Variants in KIAA0825 observed in about 807,000 individuals in gnomAD.
KIAA0825 encodes the protein uncharacterized protein KIAA0825.
A neutral mutation model predicts 147.6 loss-of-function variants in KIAA0825; 119 were observed. The ratio of observed to expected loss-of-function variants is 0.81; its 90% CI spans 0.69 to 0.94. The LOEUF is 0.94. KIAA0825 is among the 40% of genes least tolerant of loss of function. The pLI is 0.00. For missense variants in KIAA0825, 1,381 were observed against 1,472.7 expected (o/e 0.94, Z 1.02); for synonymous variants, 470 against 518.1 (o/e 0.91, Z 1.26).
At chr5:94,511,839 A>G (rs1170124646) in intron 5 of KIAA0825, among the ~76,000 whole-genome samples, 1 of 151,676 alleles carries the variant, frequency 6.6e-6, no homozygotes, top group African/African-American at 2.4e-5. Flanking sequence ...ACTACAAAAA[A>G]TTAGCTGGGC....
At chr5:94,553,284 C>CA (rs1231546405) in intron 2 of KIAA0825, among the ~76,000 whole-genome samples, 2 of 151,258 alleles carry the variant, frequency 1.3e-5, no homozygotes, top group Admixed American at 6.6e-5. Context: ...ACTAAAAATA[C>CA]AAAAAATTAG....
chr5:94,429,849 A>G (rs1755426124), intron 14 of KIAA0825, among the ~76,000 whole-genome samples: 1 of 152,222 alleles, frequency 6.6e-6, no homozygotes, highest in Non-Finnish European at 1.5e-5. Context: ...CTACACAGGT[A>G]TGGGGATGGC....
At chr5:94,428,142 G>GC (rs1562487279) in intron 14 of KIAA0825, among the ~76,000 whole-genome samples, 1 of 111,976 alleles carries the variant, frequency 8.9e-6, no homozygotes, top group Non-Finnish European at 1.9e-5. Flanking sequence ...ATAAGGTCTT[G>GC]TTGTGTGTGT....
intron 20 of KIAA0825, among the ~76,000 whole-genome samples, chr5:94,248,107 G>A (rs1775722031): frequency 6.6e-6 from 1 of 152,092 alleles, no homozygotes; most frequent in Non-Finnish European, 1.5e-5. Context: ...GAATGTGCAA[G>A]TAGAATAATC....
At chr5:94,167,416 C>G (rs866785572) in intron 20 of KIAA0825, among the ~76,000 whole-genome samples, 1 of 152,098 alleles carries the variant, frequency 6.6e-6, no homozygotes, top group Non-Finnish European at 1.5e-5. Context: ...TACTGAATCT[C>G]TAAAGTAGTT....
At chr5:94,227,048 T>G (rs963001076) in intron 20 of KIAA0825, among the ~76,000 whole-genome samples, 2 of 151,908 alleles carry the variant, frequency 1.3e-5, no homozygotes, top group Non-Finnish European at 2.9e-5. Context: ...CATTACTGGG[T>G]ATATACCCAA....
intron 20 of KIAA0825, among the ~76,000 whole-genome samples, chr5:94,186,402 A>T (rs1770123959): frequency 6.6e-6 from 1 of 152,210 alleles, no homozygotes; most frequent in South Asian, 2.1e-4. Context: ...AGTAAATAAT[A>T]TTTCCATTTG....
intron 13 of KIAA0825, among the ~76,000 whole-genome samples, chr5:94,448,227 A>G (rs1389573925): frequency 6.6e-6 from 1 of 151,446 alleles, no homozygotes; most frequent in African/African-American, 2.4e-5. Flanking sequence ...ACTGCTAAGG[A>G]CAATGAATAG....
At chr5:94,165,551 A>G (rs1249486267) in intron 20 of KIAA0825, among the ~76,000 whole-genome samples, 2 of 152,212 alleles carry the variant, frequency 1.3e-5, no homozygotes, top group Admixed American at 6.5e-5. Flanking sequence ...AGAGATATCT[A>G]TACTCCTATG....
intron 6 of KIAA0825, among the ~76,000 whole-genome samples, chr5:94,478,943 T>C (rs1462212264): frequency 6.6e-6 from 1 of 152,170 alleles, no homozygotes; most frequent in African/African-American, 2.4e-5. Context: ...TAATAGTTTA[T>C]TTTTTAGCAA....
intron 16 of KIAA0825, among the ~76,000 whole-genome samples, chr5:94,401,067 T>C (rs1015431366): frequency 6.6e-6 from 1 of 152,110 alleles, no homozygotes; most frequent in Non-Finnish European, 1.5e-5. Flanking sequence ...ATTAAAACAT[T>C]GTTGAAAAAA....
intron 20 of KIAA0825, among the ~76,000 whole-genome samples, chr5:94,222,168 C>G (rs1210467067): frequency 6.6e-6 from 1 of 152,046 alleles, no homozygotes; most frequent in East Asian, 1.9e-4. Context: ...TCCAACTTGC[C>G]CATACTGAAA....
chr5:94,471,461 C>T lies in KIAA0825; in HGVS notation c.1721+5G>A, dbSNP rs1338711596. On this transcript the variant is annotated splice_donor_5th_base_variant and intron_variant, in intron 9 of 20. Transcript: ENST00000682413. ...GGCCATCATCTTAATTTAAACAACA[C>T]TCACTTTTTAGTCATTTCCTTCATC... 6.4e-7 allele frequency: 1 copy of T among 1,551,130 alleles called. No homozygotes were observed. The highest frequency in any genetic ancestry group is 8.7e-7 in the Non-Finnish European group (1 of 1,146,480).
chr5:94,168,384 G>T (rs1768266303), intron 20 of KIAA0825, among the ~76,000 whole-genome samples: 1 of 152,178 alleles, frequency 6.6e-6, no homozygotes, highest in South Asian at 2.1e-4. Context: ...TATAGCCTTC[G>T]GAGACAATCT....
chr5:94,425,779 A>AT (rs1754776895), intron 14 of KIAA0825, among the ~76,000 whole-genome samples: 2 of 152,086 alleles, frequency 1.3e-5, no homozygotes, highest in African/African-American at 4.8e-5. Context: ...AGCATTTGTT[A>AT]TTTTTTTGTC....
intron 16 of KIAA0825, among the ~76,000 whole-genome samples, chr5:94,402,503 G>A (rs1242536854): frequency 6.6e-6 from 1 of 151,842 alleles, no homozygotes; most frequent in Non-Finnish European, 1.5e-5. Context: ...GTTTAATAGG[G>A]CTTGGACAGA....
At chr5:94,204,630 T>G (rs1227443675) in intron 20 of KIAA0825, among the ~76,000 whole-genome samples, 2 of 152,224 alleles carry the variant, frequency 1.3e-5, no homozygotes, top group African/African-American at 4.8e-5. Context: ...ATAAGCTGAT[T>G]GAATGGTTTT....
At chr5:94,501,803 G>A (rs75607148) in intron 5 of KIAA0825, among the ~76,000 whole-genome samples, 8,225 of 152,058 alleles carry the variant, frequency 0.054, 350 homozygotes, top group Non-Finnish European at 0.08. Flanking sequence ...TCTCTGGTCC[G>A]GGAATATCAC....
intron 20 of KIAA0825, among the ~76,000 whole-genome samples, chr5:94,239,299 AC>A (rs1775226942): frequency 6.6e-6 from 1 of 152,196 alleles, no homozygotes; most frequent in Non-Finnish European, 1.5e-5. Flanking sequence ...CAAAAGGTCT[AC>A]ACAGGTGTCA....
Sources: allele counts gnomAD v4.1 joint callset (sites outside exome capture counted in the v4.1 genomes callset), GRCh38; gene constraint gnomAD v4.1.1; transcripts MANE v1.5; gene names NCBI Gene and HGNC (gene_info 2026-07-23, HGNC 2026-07-21).